Variants in MAGI1 observed in about 807,000 individuals in gnomAD.
MAGI1 encodes membrane associated guanylate kinase, WW and PDZ domain containing 1, also known as membrane-associated guanylate kinase, WW and PDZ domain-containing protein 1.
In MAGI1, 58 loss-of-function variants were observed where a neutral mutation model predicts 139.9. The ratio of observed to expected loss-of-function variants is 0.41; its 90% CI spans 0.34 to 0.52. MAGI1 has a LOEUF of 0.52. Ranked by LOEUF, MAGI1 falls within the 20% of genes least tolerant of loss-of-function variation. The pLI, the probability that MAGI1 is intolerant of heterozygous loss-of-function variation, is 0.12. For synonymous variants in MAGI1, 812 were observed against 737.9 expected (o/e 1.10, Z -1.63); for missense variants, 1,874 against 1,901.6 (o/e 0.99, Z 0.27).
intron 1 of MAGI1, among the ~76,000 whole-genome samples, chr3:65,936,906 T>G (rs2063080213): frequency 7.3e-6 from 1 of 136,504 alleles, no homozygotes. Context: ...TTCAAAGTTG[T>G]TGTTGTTGTT....
rs566126571 is a variant in MAGI1, at chr3:65,595,012, C to T, written c.430+26960G>A. On this transcript the variant is annotated intron_variant, in intron 2 of 22. Coordinates refer to ENST00000402939, the MANE Select transcript of MAGI1 (RefSeq NM_001033057.2). The stretch of plus-strand genomic sequence containing the variant: ...GTATCACATCACCTGCTTTATATTA[C>T]GCAGCACAGGGTCAAAGAGAAATTA... 7.2e-5 allele frequency among the ~76,000 whole-genome samples: 11 copies of T among 152,262 alleles called. No individual in the cohort carries two copies. The South Asian group carries it at 8.3e-4, about 11-fold the overall frequency.
chr3:65,633,344 T>C (rs2084421542), intron 1 of MAGI1, among the ~76,000 whole-genome samples: 1 of 152,180 alleles, frequency 6.6e-6, no homozygotes, highest in African/African-American at 2.4e-5. Context: ...TTTAGTCATG[T>C]TTCTGTAAAA....
At chr3:65,385,602 C>G (rs963801384) in intron 14 of MAGI1, among the ~76,000 whole-genome samples, 1 of 152,144 alleles carries the variant, frequency 6.6e-6, no homozygotes. Context: ...AATGAATACA[C>G]CAACAGAGAA....
chr3:66,028,531 C>CCTCTTAA (rs536576552), intron 1 of MAGI1, among the ~76,000 whole-genome samples: 1 of 151,212 alleles, frequency 6.6e-6, no homozygotes, highest in East Asian at 2.0e-4. Context: ...CCACTGCTTC[C>CCTCTTAA]CCAGCCATTC....
intron 1 of MAGI1, among the ~76,000 whole-genome samples, chr3:65,823,268 C>T (rs551849486): frequency 2.0e-5 from 3 of 152,142 alleles, no homozygotes; most frequent in East Asian, 1.9e-4. Flanking sequence ...AAGTGGATGA[C>T]GGTACAATGG....
intron 2 of MAGI1, among the ~76,000 whole-genome samples, chr3:65,554,809 T>C (rs775051676): frequency 7.2e-5 from 11 of 152,124 alleles, no homozygotes; most frequent in Non-Finnish European, 2.9e-5. Flanking sequence ...TCTTCAAAAG[T>C]GTCAACATCA....
chr3:65,371,835 A>G, intron 18 of MAGI1: 2 of 389,568 alleles, frequency 5.1e-6, no homozygotes, highest in Non-Finnish European at 1.0e-5. Context: ...CATCTGTTCA[A>G]GTTTTATCAT....
chr3:65,770,622 G>C (rs1418714085), intron 1 of MAGI1, among the ~76,000 whole-genome samples: 1 of 152,186 alleles, frequency 6.6e-6, no homozygotes, highest in Non-Finnish European at 1.5e-5. Context: ...AATAGGTAAT[G>C]TGAGCATTAG....
chr3:65,587,634 C>A (rs2081754335), intron 2 of MAGI1, among the ~76,000 whole-genome samples: 1 of 151,820 alleles, frequency 6.6e-6, no homozygotes, highest in East Asian at 1.9e-4. Context: ...GCACATGCCA[C>A]CATGCCCAGC....
intron 2 of MAGI1, among the ~76,000 whole-genome samples, chr3:65,509,266 CAT>C (rs2077444888): frequency 1.3e-5 from 2 of 152,138 alleles, no homozygotes; most frequent in South Asian, 2.1e-4. Context: ...CAACACATAA[CAT>C]ATGTTACATT....
intron 2 of MAGI1, among the ~76,000 whole-genome samples, chr3:65,547,449 C>T (rs2079556682): frequency 6.6e-6 from 1 of 152,016 alleles, no homozygotes; most frequent in Non-Finnish European, 1.5e-5. Flanking sequence ...TACAGGTTAC[C>T]TTATGATTTT....
intron 1 of MAGI1, among the ~76,000 whole-genome samples, chr3:65,901,358 A>T (rs1378476092): frequency 3.9e-5 from 6 of 152,134 alleles, no homozygotes; most frequent in Non-Finnish European, 8.8e-5. Context: ...TCCTCGGTGG[A>T]AGGGTGAGAG....
intron 2 of MAGI1, among the ~76,000 whole-genome samples, chr3:65,551,851 C>G (rs1487324544): frequency 1.3e-5 from 2 of 152,172 alleles, no homozygotes; most frequent in African/African-American, 2.4e-5. Context: ...TTACTCCTGT[C>G]TCTTTTTAAA....
At chr3:65,510,813 G>A (rs2077549417) in intron 2 of MAGI1, among the ~76,000 whole-genome samples, 1 of 143,492 alleles carries the variant, frequency 7.0e-6, no homozygotes, top group Admixed American at 7.1e-5. Flanking sequence ...ACGCCACAAA[G>A]ATACTCCTCG....
intron 1 of MAGI1, among the ~76,000 whole-genome samples, chr3:65,861,174 G>C (rs943114847): frequency 9.9e-5 from 15 of 152,200 alleles, no homozygotes; most frequent in African/African-American, 3.1e-4. Flanking sequence ...GCTGCAGGGA[G>C]GCAAGGAGCC....
intron 1 of MAGI1, among the ~76,000 whole-genome samples, chr3:65,958,390 T>C (rs1291485815): frequency 6.6e-6 from 1 of 152,192 alleles, no homozygotes; most frequent in African/African-American, 2.4e-5. Context: ...ACCTGCTTAT[T>C]GTATCATCAA....
At chr3:65,876,767 A>C (rs1326045252) in intron 1 of MAGI1, among the ~76,000 whole-genome samples, 35 of 147,710 alleles carry the variant, frequency 2.4e-4, no homozygotes, top group Admixed American at 2.1e-3. Flanking sequence ...TTTTTGAGAC[A>C]GAGTCTTGCT....
intron 2 of MAGI1, among the ~76,000 whole-genome samples, chr3:65,525,744 G>C (rs922536781): frequency 3.3e-5 from 5 of 152,222 alleles, no homozygotes; most frequent in Non-Finnish European, 7.3e-5. Flanking sequence ...TATAGCGGTA[G>C]AATGTGCTTA....
chr3:65,626,154 G>A (rs762067185), intron 1 of MAGI1, among the ~76,000 whole-genome samples: 9 of 152,068 alleles, frequency 5.9e-5, no homozygotes, highest in East Asian at 1.9e-4. Flanking sequence ...TTTGAGCCAC[G>A]GCAAAGACGT....
Sources: allele counts gnomAD v4.1 joint callset (sites outside exome capture counted in the v4.1 genomes callset), GRCh38; gene constraint gnomAD v4.1.1; transcripts MANE v1.5; gene names NCBI Gene and HGNC (gene_info 2026-07-23, HGNC 2026-07-21).